UTRN: variants seen among roughly 807,000 people sequenced by gnomAD.
The protein encoded by UTRN is dystrophin-related protein 1.
UTRN carries 283 observed loss-of-function variants against 463.9 expected under a neutral mutation model. The ratio of observed to expected loss-of-function variants is 0.61; its 90% CI spans 0.55 to 0.67. The LOEUF (loss-of-function observed/expected upper bound fraction) is 0.67, where lower values mean the gene tolerates loss of function less well. Among genes scored for constraint, UTRN ranks in the 30% least tolerant of loss-of-function variants. The pLI is 0.00. For synonymous variants in UTRN, 1,442 were observed against 1,431.5 expected (o/e 1.01, Z -0.17); for missense variants, 3,922 against 4,084.3 (o/e 0.96, Z 1.08).
intron 19 of UTRN, among the ~76,000 whole-genome samples, chr6:144,454,174 T>C (rs1434172742): frequency 6.6e-6 from 1 of 152,174 alleles, no homozygotes; most frequent in Non-Finnish European, 1.5e-5. Flanking sequence ...CCTTTGGGTT[T>C]ATATATTGGG....
intron 2 of UTRN, among the ~76,000 whole-genome samples, chr6:144,395,182 A>G (rs1264342095): frequency 6.6e-6 from 1 of 152,150 alleles, no homozygotes; most frequent in East Asian, 1.9e-4. Flanking sequence ...TTGGCTTTTC[A>G]TGACAGTGAC....
intron 58 of UTRN, among the ~76,000 whole-genome samples, chr6:144,769,285 T>TA (rs369228768): frequency 0.016 from 2,377 of 149,048 alleles, 41 homozygotes; most frequent in African/African-American, 0.051. Flanking sequence ...TCCCCCGACT[T>TA]AAAAAAAAAA....
chr6:144,845,603 C>T (rs1781944624), intron 73 of UTRN, among the ~76,000 whole-genome samples: 1 of 152,154 alleles, frequency 6.6e-6, no homozygotes, highest in Non-Finnish European at 1.5e-5. Context: ...ATGGATTAGA[C>T]TTCTGTCTAG....
intron 52 of UTRN, among the ~76,000 whole-genome samples, chr6:144,690,430 T>A (rs1783279952): frequency 6.6e-6 from 1 of 151,968 alleles, no homozygotes; most frequent in Non-Finnish European, 1.5e-5. Flanking sequence ...TTCCAGCCAG[T>A]CTGCACTGAA....
intron 69 of UTRN, among the ~76,000 whole-genome samples, chr6:144,831,820 A>G (rs928415594): frequency 6.6e-6 from 1 of 152,190 alleles, no homozygotes; most frequent in Non-Finnish European, 1.5e-5. Context: ...CTGGAAAGAA[A>G]GAATGGGGAG....
intron 6 of UTRN, among the ~76,000 whole-genome samples, chr6:144,425,065 A>G (rs1489210847): frequency 4.6e-5 from 7 of 152,216 alleles, no homozygotes; most frequent in African/African-American, 1.4e-4. Context: ...AAAATCTGAG[A>G]TCATGCATTA....
At position 144,836,369 on chromosome 6, in the gene UTRN, C is replaced by T. The variant is rs763690466; in HGVS notation, c.9893C>T (p.Pro3298Leu). 21 of 1,614,094 alleles carry T rather than the reference C, an allele frequency of 1.3e-5. No individual in the cohort carries two copies. The highest frequency in any genetic ancestry group is 5.5e-5 in the South Asian group (5 of 91,076). ...HLRRGLPVGS[P>L]PESIISPHHT... ...CGAAGGGGGCTCCCTGTCGGTTCAC[C>T]GCCAGAGTCGATTATATCTCCCCAT... Residue 3298 changes from proline to leucine, a missense_variant, in exon 71 of 75, where the codon CCG (proline) becomes CTG (leucine). This residue lies in a region of UTRN where 1,309 missense variants were observed against 1,452.6 expected (regional missense o/e 0.90). Coordinates refer to ENST00000367545, the MANE Select transcript of UTRN (RefSeq NM_007124.3).
At chr6:144,384,914 A>G (rs1231791403) in intron 2 of UTRN, among the ~76,000 whole-genome samples, 6 of 152,144 alleles carry the variant, frequency 3.9e-5, no homozygotes, top group Non-Finnish European at 7.3e-5. Flanking sequence ...TCTTCTGGTT[A>G]TATCATTGCA....
At chr6:144,347,358 T>TC (rs1188947660) in intron 2 of UTRN, among the ~76,000 whole-genome samples, 2 of 152,224 alleles carry the variant, frequency 1.3e-5, no homozygotes, top group African/African-American at 4.8e-5. Flanking sequence ...GGGAATGTAT[T>TC]CGTCCCCCAC....
intron 61 of UTRN, among the ~76,000 whole-genome samples, chr6:144,783,361 G>T (rs1045994101): frequency 6.6e-6 from 1 of 152,242 alleles, no homozygotes; most frequent in East Asian, 1.9e-4. Flanking sequence ...GGAGCTGATT[G>T]GTTCTGTATA....
intron 9 of UTRN, among the ~76,000 whole-genome samples, chr6:144,433,619 T>G (rs1786174019): frequency 7.1e-6 from 1 of 141,270 alleles, no homozygotes; most frequent in African/African-American, 2.7e-5. Context: ...TCTCCTCACT[T>G]CTCAGACGGG....
At chr6:144,755,810 A>G (rs923504751) in intron 57 of UTRN, among the ~76,000 whole-genome samples, 5 of 152,248 alleles carry the variant, frequency 3.3e-5, no homozygotes, top group African/African-American at 1.2e-4. Flanking sequence ...TATATCTTCT[A>G]ACTAAATTGA....
chr6:144,626,357 A>G (rs1249982695), intron 51 of UTRN, among the ~76,000 whole-genome samples: 1 of 152,172 alleles, frequency 6.6e-6, no homozygotes, highest in African/African-American at 2.4e-5. Flanking sequence ...GTATCACTCC[A>G]ATCTCCTTTA....
At chr6:144,728,373 A>G (rs1166766177) in intron 53 of UTRN, among the ~76,000 whole-genome samples, 1 of 152,056 alleles carries the variant, frequency 6.6e-6, no homozygotes, top group Admixed American at 6.5e-5. Context: ...CAAGACTTGT[A>G]AATGTGTATT....
chr6:144,583,472 T>C (rs1802175004), intron 51 of UTRN: 2 of 703,218 alleles, frequency 2.8e-6, no homozygotes, highest in Non-Finnish European at 5.3e-6. Flanking sequence ...AATTCTGAGG[T>C]GTCTCCAGAA....
intron 65 of UTRN, among the ~76,000 whole-genome samples, chr6:144,807,265 G>A (rs1180364364): frequency 1.3e-5 from 2 of 151,948 alleles, no homozygotes; most frequent in African/African-American, 4.8e-5. Context: ...AATCCACAAA[G>A]CACCCTAAAT....
chr6:144,467,293 G>A (rs1018502844), intron 23 of UTRN, among the ~76,000 whole-genome samples: 1 of 152,092 alleles, frequency 6.6e-6, no homozygotes, highest in Admixed American at 6.5e-5. Context: ...CTAGATAATC[G>A]TTCCCTCCTC....
intron 58 of UTRN, among the ~76,000 whole-genome samples, chr6:144,768,362 A>C (rs998565070): frequency 6.6e-6 from 1 of 152,178 alleles, no homozygotes; most frequent in African/African-American, 2.4e-5. Context: ...GGGGCTCTTC[A>C]GAGTAAGGGG....
In UTRN at chr6:144,835,767, T is replaced by G; in HGVS notation, c.9666-13T>G. ...GATGTGAGCCTCTGGGTCTGTTTCC[T>G]TTGTCTTGCTAGGGAAGACGAGCAC... On this transcript the variant is annotated splice_polypyrimidine_tract_variant and intron_variant, in intron 69 of 74. Coordinates refer to ENST00000367545, the MANE Select transcript of UTRN (RefSeq NM_007124.3). 6.2e-7 allele frequency: 1 copy of G among 1,613,598 alleles called. No individual in the cohort carries two copies. The highest frequency in any genetic ancestry group is 1.7e-4 in the Middle Eastern group (1 of 6,044).
Sources: gnomAD v4.1 joint callset for allele counts (sites outside exome capture counted in the v4.1 genomes callset) on GRCh38, gnomAD v4.1.1 for gene constraint, gnomAD v4.1.1 regional missense constraint, MANE v1.5 for transcripts, NCBI Gene and HGNC (gene_info 2026-07-23, HGNC 2026-07-21) for gene names.